IGFBP7: variants seen among roughly 807,000 people sequenced by gnomAD.
The protein encoded by IGFBP7 is insulin-like growth factor-binding protein 7.
A neutral mutation model predicts 29.4 loss-of-function variants in IGFBP7; 31 were observed. That is an observed-to-expected ratio of 1.05 (90% CI 0.79 to 1.42). The LOEUF (loss-of-function observed/expected upper bound fraction) is 1.42. IGFBP7 is among the 40% of genes most tolerant of loss of function. IGFBP7 has a pLI of 0.00. For missense variants in IGFBP7, 393 were observed against 395.5 expected, an observed-to-expected ratio of 0.99 and a Z score of 0.05; for synonymous variants, 172 against 174.9, an observed-to-expected ratio of 0.98 and a Z score of 0.13.
chr4:57,082,716 C>A (rs1276594112), intron 1 of IGFBP7, among the ~76,000 whole-genome samples: 1 of 152,026 alleles, frequency 6.6e-6, no homozygotes, highest in Non-Finnish European at 1.5e-5. Flanking sequence ...ATAATCCTAA[C>A]CCCCCAACAA....
chr4:57,044,434 C>G (rs772052349), intron 1 of IGFBP7, among the ~76,000 whole-genome samples: 18 of 152,150 alleles, frequency 1.2e-4, no homozygotes, highest in Admixed American at 3.3e-4. Flanking sequence ...TTTTGCCTAG[C>G]CCAAGGCTAT....
intron 1 of IGFBP7, among the ~76,000 whole-genome samples, chr4:57,107,847 T>C (rs1163173875): frequency 1.3e-5 from 2 of 152,204 alleles, no homozygotes; most frequent in East Asian, 3.8e-4. Flanking sequence ...TGACTGTCAG[T>C]CTCAATATTT....
In IGFBP7 at chr4:57,032,563, A is replaced by G. The variant is rs2271807; in HGVS notation, c.703-11T>C. ...ACTTAGAGGAGATACCTGTGAAAGA[A>G]AAAAGATCTAGTATTCCTCTGTGGT... On this transcript the variant is annotated splice_polypyrimidine_tract_variant and intron_variant, in intron 3 of 4. Transcript: ENST00000295666. The G allele has an allele frequency of 0.075, 119,317 of 1,599,588 alleles. 4,817 individuals are homozygous for G. Among genetic ancestry groups the G allele is most frequent in the African/African-American group, 0.09 (6,701 of 74,736 alleles).
intron 3 of IGFBP7, 134 bp from the exon 4 acceptor site, chr4:57,032,686 G>T (rs536450557): frequency 7.9e-5 from 59 of 747,246 alleles, no homozygotes; most frequent in Admixed American, 2.9e-4. Context: ...TAGAAGCAGT[G>T]CAAGTCCTGT....
chr4:57,104,623 T>C (rs1725977852), intron 1 of IGFBP7, among the ~76,000 whole-genome samples: 1 of 152,052 alleles, frequency 6.6e-6, no homozygotes, highest in African/African-American at 2.4e-5. Context: ...AGAATGGAGG[T>C]TTAAAACTCA....
intron 1 of IGFBP7, among the ~76,000 whole-genome samples, chr4:57,066,881 G>GA (rs940327092): frequency 2.1e-3 from 304 of 148,056 alleles, no homozygotes; most frequent in African/African-American, 7.0e-3. Context: ...TTTAAAAGAA[G>GA]AAAAAAAAAC....
At chr4:57,037,115 T>A (rs1724100571) in intron 2 of IGFBP7, among the ~76,000 whole-genome samples, 1 of 152,166 alleles carries the variant, frequency 6.6e-6, no homozygotes, top group African/African-American at 2.4e-5. Flanking sequence ...TCTGTTCTAT[T>A]TTTTATTTTT....
intron 1 of IGFBP7, among the ~76,000 whole-genome samples, chr4:57,057,169 C>A (rs1275600753): frequency 6.6e-6 from 1 of 152,124 alleles, no homozygotes; most frequent in Admixed American, 6.5e-5. Context: ...CCATCCCTGG[C>A]TAAGTTTTTA....
intron 1 of IGFBP7, among the ~76,000 whole-genome samples, chr4:57,092,943 T>C (rs1288460084): frequency 6.6e-6 from 1 of 151,920 alleles, no homozygotes; most frequent in Non-Finnish European, 1.5e-5. Flanking sequence ...TTCACCTACT[T>C]GCTAAATGAA....
rs1396905975 is a variant in IGFBP7, at chr4:57,032,253, A to G, written c.829+173T>C. ...TAACGATGTTCAGTCACCCATCCAG[A>G]TAATCTTTTGGAGTCTCATGCTGTA... On this transcript the variant is annotated intron_variant, in intron 4 of 4. Transcript: ENST00000295666. 4.2e-6 allele frequency: 6 copies of G among 1,414,650 alleles called. No individual in the cohort carries two copies. The East Asian group carries it at 1.0e-4, about 24-fold the overall frequency. The allele number at this position is 1,414,650 out of a possible 1,614,324, so 87.6% of individuals were successfully genotyped here. A position where few individuals can be genotyped will look rare whatever the true frequency, so the allele number is the denominator to read the frequency against.
intron 1 of IGFBP7, among the ~76,000 whole-genome samples, chr4:57,105,252 C>G (rs1218064390): frequency 6.6e-6 from 1 of 152,216 alleles, no homozygotes; most frequent in Admixed American, 6.5e-5. Flanking sequence ...CCGATGTACA[C>G]CCTTCACAGC....
In IGFBP7 at chr4:57,031,264, TGTA is replaced by T. The variant is rs1417690172; in HGVS notation, c.*50_*52del. ...AAACTTATTAGGCAAGAACAGGTAATGTAGTTATCCATGACTACTTTTAACCAT... is the reference window on the plus strand; with the variant it reads ...AAACTTATTAGGCAAGAACAGGTAATGTTATCCATGACTACTTTTAACCAT... On this transcript the variant is annotated 3_prime_UTR_variant, in exon 5 of 5. Transcript: ENST00000295666. 11 of 1,433,668 alleles carry T rather than the reference TGTA, an allele frequency of 7.7e-6. No individual in the cohort carries two copies. The highest frequency in any genetic ancestry group is 4.5e-5 in the East Asian group (2 of 43,974). The allele number at this position is 1,433,668 out of a possible 1,614,324, so 88.8% of individuals were successfully genotyped here.
At chr4:57,055,264 G>C (rs986178071) in intron 1 of IGFBP7, among the ~76,000 whole-genome samples, 2 of 152,076 alleles carry the variant, frequency 1.3e-5, no homozygotes, top group African/African-American at 4.8e-5. Context: ...GACTCATCTG[G>C]GTGTGTCGAA....
intron 1 of IGFBP7, among the ~76,000 whole-genome samples, chr4:57,064,192 C>T (rs1374265952): frequency 6.6e-6 from 1 of 152,092 alleles, no homozygotes. Flanking sequence ...AAAAAACACA[C>T]AAAAAATAAA....
chr4:57,093,769 A>ATAAG (rs1725693207), intron 1 of IGFBP7, among the ~76,000 whole-genome samples: 1 of 152,308 alleles, frequency 6.6e-6, no homozygotes, highest in East Asian at 1.9e-4. Context: ...CTAAGCAAAC[A>ATAAG]TAAGATTCAC....
intron 1 of IGFBP7, among the ~76,000 whole-genome samples, chr4:57,043,319 C>T (rs1241333260): frequency 1.3e-5 from 2 of 152,096 alleles, no homozygotes. Context: ...ATTAATGATC[C>T]CTTCTGAATT....
At chr4:57,071,316 A>G (rs1560500777) in intron 1 of IGFBP7, among the ~76,000 whole-genome samples, 1 of 152,208 alleles carries the variant, frequency 6.6e-6, no homozygotes, top group Non-Finnish European at 1.5e-5. Flanking sequence ...ATATACATAC[A>G]TCTCAGCAAG....
rs141240564 is a variant in IGFBP7, at chr4:57,095,779, G to A, written c.475+14098C>T. 5.6e-3 allele frequency among the ~76,000 whole-genome samples: 849 copies of A among 152,270 alleles called. 7 individuals are homozygous for A. The highest frequency in any genetic ancestry group is 0.02 in the African/African-American group (819 of 41,558). ...TGCCCATCGGAAAGGCCTCAGCCAA[G>A]TGACAAGAGATACTCCCCTAAGCTG... On this transcript the variant is annotated intron_variant, in intron 1 of 4. Transcript: ENST00000295666.
In IGFBP7 at chr4:57,078,258, AC is replaced by A. The variant is rs557405378; in HGVS notation, c.475+31618del. Among the ~76,000 whole-genome samples the A allele has an allele frequency of 2.6e-4, 40 of 152,248 alleles. No homozygotes were observed. The East Asian group carries it at 7.2e-3, about 27-fold the overall frequency. On this transcript the variant is annotated intron_variant, in intron 1 of 4. Coordinates refer to ENST00000295666, the MANE Select transcript of IGFBP7 (RefSeq NM_001553.3). The stretch of plus-strand genomic sequence containing the variant: ...TGAGGTTCGTACTGTCTCCTATTTT[AC>A]AGAGGAGGAAACTGAGACACAGAAA...
Sources: gnomAD v4.1 joint callset for allele counts (sites outside exome capture counted in the v4.1 genomes callset) on GRCh38, gnomAD v4.1.1 for gene constraint, MANE v1.5 for transcripts, NCBI Gene and HGNC (gene_info 2026-07-23, HGNC 2026-07-21) for gene names.